Variants in PTPRD observed in about 807,000 individuals in gnomAD.
PTPRD encodes receptor-type tyrosine-protein phosphatase delta.
In PTPRD, 34 loss-of-function variants were observed where a neutral mutation model predicts 214.5. The ratio of observed to expected loss-of-function variants is 0.16; its 90% CI spans 0.12 to 0.21. The LOEUF is 0.21. Among genes scored for constraint, PTPRD ranks in the 10% least tolerant of loss-of-function variants. The pLI is 1.00. For synonymous variants in PTPRD, 1,128 were observed against 845.7 expected, an observed-to-expected ratio of 1.33 and a Z score of -5.79; for missense variants, 2,545 against 2,398.7, an observed-to-expected ratio of 1.06 and a Z score of -1.27.
intron 12 of PTPRD, among the ~76,000 whole-genome samples, chr9:8,678,677 T>A (rs936518208): frequency 2.6e-5 from 4 of 152,176 alleles, no homozygotes; most frequent in African/African-American, 9.7e-5. Context: ...CCCCAAAACC[T>A]TTGTAGTATA....
chr9:9,473,907 C>T (rs1389770998), intron 8 of PTPRD, among the ~76,000 whole-genome samples: 1 of 149,662 alleles, frequency 6.7e-6, no homozygotes, highest in African/African-American at 2.5e-5. Context: ...AATATTTTCT[C>T]TTAACCTACA....
At chr9:8,547,957 C>T (rs1452784285) in intron 14 of PTPRD, among the ~76,000 whole-genome samples, 1 of 152,118 alleles carries the variant, frequency 6.6e-6, no homozygotes, top group Non-Finnish European at 1.5e-5. Flanking sequence ...CTGACAGCTG[C>T]AAAAACAGTC....
chr9:10,222,907 G>T (rs879775425), intron 3 of PTPRD, among the ~76,000 whole-genome samples: 5 of 152,006 alleles, frequency 3.3e-5, no homozygotes, highest in Non-Finnish European at 7.4e-5. Flanking sequence ...AAAATGTGTT[G>T]TGTTTCTCTA....
intron 3 of PTPRD, among the ~76,000 whole-genome samples, chr9:10,214,874 T>C (rs1334989682): frequency 1.3e-5 from 2 of 152,094 alleles, no homozygotes; most frequent in Non-Finnish European, 2.9e-5. Flanking sequence ...TGTACATGAA[T>C]GGGCCCTGAA....
At chr9:9,133,432 TTAATA>T (rs1439472592) in intron 10 of PTPRD, among the ~76,000 whole-genome samples, 1 of 152,166 alleles carries the variant, frequency 6.6e-6, no homozygotes, top group African/African-American at 2.4e-5. Context: ...CAGTATCCAT[TTAATA>T]TAAGATGGTC....
intron 10 of PTPRD, among the ~76,000 whole-genome samples, chr9:9,063,448 G>T (rs2099711439): frequency 6.6e-6 from 1 of 152,046 alleles, no homozygotes; most frequent in Non-Finnish European, 1.5e-5. Flanking sequence ...TAAGAGAAAA[G>T]GCTTCCCTTA....
chr9:10,574,778 T>C (rs1368951392), intron 2 of PTPRD, among the ~76,000 whole-genome samples: 1 of 139,068 alleles, frequency 7.2e-6, no homozygotes, highest in Non-Finnish European at 1.6e-5. Flanking sequence ...TGTGTGTGTA[T>C]ATATATACAC....
chr9:8,747,092 T>A, intron 11 of PTPRD, among the ~76,000 whole-genome samples: 1 of 152,214 alleles, frequency 6.6e-6, no homozygotes, highest in Non-Finnish European at 1.5e-5. Flanking sequence ...TCTTTTGTGG[T>A]GTACCTAACA....
At chr9:8,841,250 G>A (rs549281157) in intron 11 of PTPRD, among the ~76,000 whole-genome samples, 1 of 152,276 alleles carries the variant, frequency 6.6e-6, no homozygotes, top group African/African-American at 2.4e-5. Flanking sequence ...CTTGAAAAAT[G>A]AGTGTCTTCA....
In PTPRD at chr9:8,814,360, C is replaced by A. The variant is rs568985644; in HGVS notation, c.-103-80414G>T. Among the ~76,000 whole-genome samples, 6 of 141,964 alleles carry A rather than the reference C, an allele frequency of 4.2e-5. 1 individual carries two copies. In the South Asian group the frequency reaches 1.4e-3, roughly 33 times the overall value. 93.1% of individuals were successfully genotyped at this position (141,964 alleles called of 152,430 possible). On this transcript the variant is annotated intron_variant, in intron 11 of 45. Transcript: ENST00000381196. ...GCAAGACTAAGCAAGAATGTCTTCA[C>A]GGAGAACGCTTTAAGTGAAGGAAAC...
At chr9:9,479,243 C>T (rs2095288354) in intron 8 of PTPRD, among the ~76,000 whole-genome samples, 1 of 131,640 alleles carries the variant, frequency 7.6e-6, no homozygotes, top group South Asian at 2.5e-4. Flanking sequence ...CACACACCCA[C>T]CTCTAGCATT....
intron 9 of PTPRD, among the ~76,000 whole-genome samples, chr9:9,318,444 G>A (rs1366703033): frequency 6.6e-6 from 1 of 152,070 alleles, no homozygotes. Flanking sequence ...AATGATCATA[G>A]TTTGAAGTAA....
At chr9:9,765,762 G>T (rs894115476) in intron 6 of PTPRD, among the ~76,000 whole-genome samples, 1 of 152,214 alleles carries the variant, frequency 6.6e-6, no homozygotes, top group Admixed American at 6.5e-5. Context: ...CTGGGTTCAC[G>T]CCATTCTCCT....
intron 12 of PTPRD, among the ~76,000 whole-genome samples, chr9:8,666,919 C>G (rs538024540): frequency 3.6e-4 from 55 of 151,936 alleles, no homozygotes; most frequent in African/African-American, 1.3e-3. Flanking sequence ...AGCATTGTGT[C>G]TTGTGTACAT....
At chr9:10,101,209 T>C (rs2098548515) in intron 3 of PTPRD, among the ~76,000 whole-genome samples, 1 of 151,572 alleles carries the variant, frequency 6.6e-6, no homozygotes, top group Admixed American at 6.6e-5. Context: ...GAGGAGGTGT[T>C]AGCCTAGAAA....
intron 5 of PTPRD, among the ~76,000 whole-genome samples, chr9:9,926,644 T>C (rs993156712): frequency 2.0e-5 from 3 of 152,130 alleles, no homozygotes; most frequent in Admixed American, 1.3e-4. Flanking sequence ...GCTTCAAATA[T>C]ATATGACTTA....
chr9:8,351,290 T>C (rs2075368879), intron 39 of PTPRD, among the ~76,000 whole-genome samples: 1 of 152,144 alleles, frequency 6.6e-6, no homozygotes, highest in South Asian at 2.1e-4. Context: ...TTTGTACACA[T>C]GTTAATGCAC....
chr9:10,174,875 C>T (rs1395120479), intron 3 of PTPRD, among the ~76,000 whole-genome samples: 1 of 152,016 alleles, frequency 6.6e-6, no homozygotes, highest in Non-Finnish European at 1.5e-5. Context: ...AGGAATTGGA[C>T]ATTGTTACAG....
At chr9:10,344,006 T>TG (rs946863034) in intron 2 of PTPRD, among the ~76,000 whole-genome samples, 1 of 144,694 alleles carries the variant, frequency 6.9e-6, no homozygotes, top group African/African-American at 2.6e-5. Flanking sequence ...TTTTTTTTTT[T>TG]TGCTGTGCAG....
Sources: allele counts gnomAD v4.1 joint callset (sites outside exome capture counted in the v4.1 genomes callset), GRCh38; gene constraint gnomAD v4.1.1; transcripts MANE v1.5; gene names NCBI Gene and HGNC (gene_info 2026-07-23, HGNC 2026-07-21).